The following WDR53 variants were observed in gnomAD, a reference collection of about 807,000 sequenced individuals.
The protein encoded by WDR53 is WD repeat domain 53, also known as WD repeat-containing protein 53.
A neutral mutation model predicts 21.3 loss-of-function variants in WDR53; 19 were observed. The ratio of observed to expected loss-of-function variants is 0.89; its 90% CI spans 0.62 to 1.31. The LOEUF is 1.31. WDR53 is among the 50% of genes most tolerant of loss of function. WDR53 has a pLI of 0.00. For missense variants in WDR53, 374 were observed against 423.2 expected (o/e 0.88, Z 1.02); for synonymous variants, 157 against 163.4 (o/e 0.96, Z 0.30).
At chr3:196,555,091 C>A (rs1734214091) in intron 3 of WDR53, among the ~76,000 whole-genome samples, 4 of 152,164 alleles carry the variant, frequency 2.6e-5, no homozygotes, top group Non-Finnish European at 5.9e-5. Flanking sequence ...CTGCCAGTTT[C>A]TAAAGGTTTT....
intron 2 of WDR53, among the ~76,000 whole-genome samples, chr3:196,563,896 C>T (rs1344406239): frequency 2.6e-5 from 4 of 152,086 alleles, no homozygotes; most frequent in African/African-American, 9.7e-5. Context: ...GTCACACATA[C>T]GATCACTAAT....
intron 2 of WDR53, among the ~76,000 whole-genome samples, chr3:196,565,698 T>C (rs1735324745): frequency 6.6e-6 from 1 of 152,214 alleles, no homozygotes; most frequent in African/African-American, 2.4e-5. Context: ...GTTTACTTAG[T>C]CTATAAAACT....
intron 3 of WDR53, among the ~76,000 whole-genome samples, chr3:196,557,872 G>A (rs1233874643): frequency 6.6e-6 from 1 of 151,104 alleles, no homozygotes; most frequent in South Asian, 2.1e-4. Flanking sequence ...CAACCTCTCG[G>A]GATCAAGCAA....
Sources: allele counts gnomAD v4.1 joint callset (sites outside exome capture counted in the v4.1 genomes callset), GRCh38; gene constraint gnomAD v4.1.1; transcripts MANE v1.5; gene names NCBI Gene and HGNC (gene_info 2026-07-23, HGNC 2026-07-21).